Variants in AKTIP observed in about 807,000 individuals in gnomAD.
The protein encoded by AKTIP is AKT-interacting protein.
Under a neutral mutation model 39.1 loss-of-function variants are expected in AKTIP, and 16 were observed. The observed-to-expected ratio is 0.41, with a 90% CI of 0.28 to 0.62. The LOEUF (loss-of-function observed/expected upper bound fraction) is 0.62. Among genes scored for constraint, AKTIP ranks in the 20% least tolerant of loss-of-function variants. The pLI, the probability that AKTIP is intolerant of heterozygous loss-of-function variation, is 0.32. For missense variants in AKTIP, 262 were observed against 356.6 expected, an observed-to-expected ratio of 0.73 and a Z score of 2.14; for synonymous variants, 93 against 124.3, an observed-to-expected ratio of 0.75 and a Z score of 1.67.
upstream of AKTIP, among the ~76,000 whole-genome samples, chr16:53,503,805 C>T (rs1962328501): frequency 6.6e-6 from 1 of 152,248 alleles, no homozygotes; most frequent in Non-Finnish European, 1.5e-5. Context: ...CAGAAGGACA[C>T]TTGGCGTGGC....
At position 53,495,274 on chromosome 16, in the gene AKTIP, G is replaced by T. The variant is rs755048837; in HGVS notation, c.301C>A (p.Arg101Ser). The change falls in exon 4 of 10, where the codon CGC (arginine) becomes AGC (serine). Residue 101 changes from arginine to serine, a missense_variant. Coordinates refer to ENST00000394657, the MANE Select transcript of AKTIP (RefSeq NM_022476.4). ...ATCCTCATCTTACTTAATGCAGAGC[G>T]ATAAGATGGCTGCACATAGACGCCT... Reference protein sequence around the residue: ...LPGVYVQPSYRSALMWFGVIF... With the variant: ...LPGVYVQPSYSSALMWFGVIF... 4.3e-6 allele frequency: 7 copies of T among 1,614,164 alleles called. No homozygotes were observed. The highest frequency in any genetic ancestry group is 5.9e-6 in the Non-Finnish European group (7 of 1,180,018).
chr16:53,498,960 C>A (rs1962006884), intron 2 of AKTIP, among the ~76,000 whole-genome samples: 1 of 152,196 alleles, frequency 6.6e-6, no homozygotes, highest in Non-Finnish European at 1.5e-5. Context: ...AAAAGTCCCC[C>A]AGCACTTACA....
At position 53,492,383 on chromosome 16, in the gene AKTIP, A is replaced by G. The variant is rs1259882547; in HGVS notation, c.*29T>C. On this transcript the variant is annotated 3_prime_UTR_variant, in exon 10 of 10. Coordinates refer to ENST00000394657, the MANE Select transcript of AKTIP (RefSeq NM_022476.4). ...GAACTAGGCCAGAGTCTAGCAGGAAAGTGCATGGTGCACCAGATTCACCAT... is the reference window on the plus strand; with the variant it reads ...GAACTAGGCCAGAGTCTAGCAGGAAGGTGCATGGTGCACCAGATTCACCAT... 7 of 1,594,188 alleles carry G rather than the reference A, an allele frequency of 4.4e-6. No homozygotes were observed. The highest frequency in any genetic ancestry group is 6.0e-6 in the Non-Finnish European group (7 of 1,164,158).
intron 5 of AKTIP, 41 bp downstream of exon 5, chr16:53,495,032 C>T (rs193144193): frequency 1.0e-4 from 160 of 1,551,038 alleles, no homozygotes; most frequent in Non-Finnish European, 1.3e-4. Context: ...CAGCCCTTCT[C>T]GCTGATCCAC....
At position 53,491,080 on chromosome 16, in the gene AKTIP, A is replaced by T. The variant is rs1186643680; in HGVS notation, c.*1332T>A. 3 of 152,622 alleles carry T rather than the reference A, an allele frequency of 2.0e-5. No homozygotes were observed. Among genetic ancestry groups the T allele is most frequent in the African/African-American group, 7.2e-5 (3 of 41,446 alleles). 9.5% of individuals were successfully genotyped at this position (152,622 alleles called of 1,614,324 possible). On this transcript the variant is annotated 3_prime_UTR_variant, in exon 10 of 10. Coordinates refer to ENST00000394657, the MANE Select transcript of AKTIP (RefSeq NM_022476.4). Reference sequence around the variant, plus strand: ...TTCTTTAATGCTTTTATATTTTTTTAAAATGTTAAAACCCCTATAGCCACC... The same window carrying T: ...TTCTTTAATGCTTTTATATTTTTTTTAAATGTTAAAACCCCTATAGCCACC...
chr16:53,500,352 T>C (rs543641522), intron 1 of AKTIP, 23 bp from the exon 2 acceptor site: 31 of 1,516,226 alleles, frequency 2.0e-5, no homozygotes, highest in South Asian at 3.7e-5. Flanking sequence ...CGGGAAGACA[T>C]AGAAACATGC....
rs748812142 is a variant in AKTIP at position 53,495,344 on chromosome 16, T to A, written c.249-18A>T. 1.2e-6 allele frequency: 2 copies of A among 1,613,548 alleles called. No individual in the cohort carries two copies. The highest frequency in any genetic ancestry group is 4.5e-5 in the East Asian group (2 of 44,878). On this transcript the variant is annotated intron_variant, in intron 3 of 9. Coordinates refer to ENST00000394657, the MANE Select transcript of AKTIP (RefSeq NM_022476.4). ...CCAAGGTACTACAACAAAAGCAGAA[T>A]AATTAACTTGTGTGGATACAAATGA... is the stretch of plus-strand genomic sequence containing the variant.
rs777129136 is a variant in AKTIP, at chr16:53,492,388, A to T, written c.*24T>A. 4.4e-6 allele frequency: 7 copies of T among 1,600,698 alleles called. No homozygotes were observed. Among genetic ancestry groups the T allele is most frequent in the Non-Finnish European group, 6.0e-6 (7 of 1,169,868 alleles). On this transcript the variant is annotated 3_prime_UTR_variant, in exon 10 of 10. Coordinates refer to ENST00000394657, the MANE Select transcript of AKTIP (RefSeq NM_022476.4). ...AGGCCAGAGTCTAGCAGGAAAGTGCATGGTGCACCAGATTCACCATCTCTT... is the reference window on the plus strand; with the variant it reads ...AGGCCAGAGTCTAGCAGGAAAGTGCTTGGTGCACCAGATTCACCATCTCTT...
intron 2 of AKTIP, among the ~76,000 whole-genome samples, chr16:53,499,403 G>GA (rs1405375847): frequency 4.0e-5 from 6 of 148,890 alleles, no homozygotes; most frequent in African/African-American, 1.5e-4. Context: ...CATGTATATA[G>GA]AAAAAAAGTA....
intron 2 of AKTIP, among the ~76,000 whole-genome samples, chr16:53,498,916 GT>G (rs1317789692): frequency 3.9e-5 from 6 of 152,322 alleles, no homozygotes; most frequent in Admixed American, 1.3e-4. Context: ...AGGGCAAGGG[GT>G]TACTAAGCAA....
At chr16:53,494,317 T>C (rs745564595) in intron 7 of AKTIP, 22 bp downstream of exon 7, 12 of 1,613,184 alleles carry the variant, frequency 7.4e-6, no homozygotes, top group African/African-American at 1.3e-5. Flanking sequence ...TTATTTTAAA[T>C]AACAAAGCAA....
chr16:53,500,270 CCAAA>C lies in AKTIP; in HGVS notation c.-15_-12del. ...CCAGAAAGGGTTCATAACGTGTATT[CCAAA>C]CAAAGAAAGTCAGTGGTGTATCATC... is the stretch of plus-strand genomic sequence containing the variant. On this transcript the variant is annotated 5_prime_UTR_variant, in exon 2 of 10. Coordinates refer to ENST00000394657, the MANE Select transcript of AKTIP (RefSeq NM_022476.4). The C allele has an allele frequency of 2.5e-6, 4 of 1,611,780 alleles. No individual in the cohort carries two copies. Among genetic ancestry groups the C allele is most frequent in the Non-Finnish European group, 3.4e-6 (4 of 1,179,248 alleles).
chr16:53,498,374 GT>G lies in AKTIP; in HGVS notation c.248+16del, dbSNP rs765801475. 8 of 1,611,726 alleles carry G rather than the reference GT, an allele frequency of 5.0e-6. No homozygotes were observed. Among genetic ancestry groups the G allele is most frequent in the Non-Finnish European group, 6.8e-6 (8 of 1,177,856 alleles). ...GGATCATTCCTAATTTAACCAAATA[GT>G]TTGTTAAGGACTTACAATTCTGCAA... is the stretch of plus-strand genomic sequence containing the variant. On this transcript the variant is annotated intron_variant, in intron 3 of 9. Coordinates refer to ENST00000394657, the MANE Select transcript of AKTIP (RefSeq NM_022476.4).
chr16:53,499,853 G>A (rs1037122559), intron 2 of AKTIP, among the ~76,000 whole-genome samples: 10 of 152,000 alleles, frequency 6.6e-5, no homozygotes, highest in African/African-American at 2.2e-4. Flanking sequence ...AATTAAATTA[G>A]TGCCCCTCAA....
In AKTIP at chr16:53,494,407, T is replaced by C. The variant is rs765631786; in HGVS notation, c.534A>G (p.Leu178=). ...TGTAGAAAACTCTCCTTGCATACAT[T>C]AATACCTGCCAAATATGATTATGGT... The part of the protein sequence containing the change: ...RRNHNHIWQV[L]MYARRVFYKI... Residue 178 remains leucine (L), a synonymous_variant, in exon 7 of 10, where the codon TTA becomes TTG. Coordinates refer to ENST00000394657, the MANE Select transcript of AKTIP (RefSeq NM_022476.4). The C allele has an allele frequency of 3.1e-6, 5 of 1,614,220 alleles. No homozygotes were observed. The Admixed American group carries it at 6.7e-5, about 22-fold the overall frequency.
chr16:53,494,002 C>T, intron 8 of AKTIP, 136 bp downstream of exon 8: 1 of 652,002 alleles, frequency 1.5e-6, no homozygotes, highest in Non-Finnish European at 2.7e-6. Context: ...ATCGAGTTGG[C>T]ACCAAGTTAT....
intron 1 of AKTIP, chr16:53,502,749 G>C (rs1056600233): frequency 2.0e-5 from 3 of 152,292 alleles, no homozygotes; most frequent in African/African-American, 4.8e-5. Context: ...CTCGCAGCTA[G>C]CTCGATGCTG....
chr16:53,499,728 G>GGGGAT (rs535836834), intron 2 of AKTIP, among the ~76,000 whole-genome samples: 116 of 152,012 alleles, frequency 7.6e-4, no homozygotes, highest in African/African-American at 2.7e-3. Flanking sequence ...TCAAAGTGCT[G>GGGGAT]GGGATTACAA....
intron 3 of AKTIP, 129 bp downstream of exon 3, chr16:53,498,262 T>C (rs1389212238): frequency 1.1e-6 from 1 of 937,174 alleles, no homozygotes; most frequent in East Asian, 2.5e-5. Flanking sequence ...TTAAGTCTGA[T>C]ACTGGAAAGG....
Sources: gnomAD v4.1 joint callset for allele counts (sites outside exome capture counted in the v4.1 genomes callset) on GRCh38, gnomAD v4.1.1 for gene constraint, MANE v1.5 for transcripts, NCBI Gene and HGNC (gene_info 2026-07-23, HGNC 2026-07-21) for gene names.